The following SLC30A5 variants were observed in gnomAD, a reference collection of about 807,000 sequenced individuals.
SLC30A5 encodes proton-coupled zinc antiporter SLC30A5.
Under a neutral mutation model 79.6 loss-of-function variants are expected in SLC30A5, and 33 were observed. That is an observed-to-expected ratio of 0.41 (90% CI 0.31 to 0.55). The LOEUF (loss-of-function observed/expected upper bound fraction) is 0.55, where lower values mean the gene tolerates loss of function less well. Among genes scored for constraint, SLC30A5 ranks in the 20% least tolerant of loss-of-function variants. The pLI, the probability that SLC30A5 is intolerant of heterozygous loss-of-function variation, is 0.20. For synonymous variants in SLC30A5, 299 were observed against 319.7 expected (o/e 0.94, Z 0.69); for missense variants, 788 against 928.1 (o/e 0.85, Z 1.96).
chr5:69,094,121 C>T lies in SLC30A5; in HGVS notation c.-135C>T. ...CCGGAGCCGGCGACGGCGGCAGTGG[C>T]GGCCCGGCCTGCAGGAGCCCGACGG... On this transcript the variant is annotated 5_prime_UTR_variant, in exon 1 of 16. Transcript: ENST00000396591. 1 of 447,440 alleles carries T rather than the reference C, an allele frequency of 2.2e-6. No individual in the cohort carries two copies. The allele number at this position is 447,440 out of a possible 1,614,324, so 27.7% of individuals were successfully genotyped here.
intron 12 of SLC30A5, among the ~76,000 whole-genome samples, chr5:69,120,017 C>CA (rs35168466): frequency 0.46 from 29,379 of 64,112 alleles, 7,043 homozygotes; most frequent in East Asian, 0.58. Context: ...GACTCTGCCT[C>CA]AAAAAAAAAA....
intron 1 of SLC30A5, among the ~76,000 whole-genome samples, chr5:69,098,906 C>T (rs1745825174): frequency 6.6e-6 from 1 of 152,172 alleles, no homozygotes; most frequent in Non-Finnish European, 1.5e-5. Context: ...TAAAATAATC[C>T]ATATTTGTGA....
Position 69,128,100 on chromosome 5 carries a change from T to C in SLC30A5, c.2095T>C (p.Ser699Pro). The C allele has an allele frequency of 6.2e-7, 1 of 1,612,322 alleles. No individual in the cohort carries two copies. The highest frequency in any genetic ancestry group is 8.5e-7 in the Non-Finnish European group (1 of 1,179,026). ...VAGTIHIQVT[S>P]DVLEQRIVQQ... ...AGGAACAATTCATATACAGGTGACA[T>C]CTGATGTGCTAGAACAAAGAATAGT... Residue 699 changes from serine to proline, a missense_variant, in exon 15 of 16, where the codon TCT becomes CCT. Transcript: ENST00000396591.
At chr5:69,097,337 G>C (rs1454091980) in intron 1 of SLC30A5, among the ~76,000 whole-genome samples, 1 of 152,052 alleles carries the variant, frequency 6.6e-6, no homozygotes, top group South Asian at 2.1e-4. Context: ...GGATGGTCTC[G>C]ATCTCCTGAC....
chr5:69,124,311 A>AT (rs1380344385), intron 14 of SLC30A5, among the ~76,000 whole-genome samples: 2 of 151,968 alleles, frequency 1.3e-5, no homozygotes, highest in African/African-American at 4.8e-5. Context: ...ATGAAGAATT[A>AT]TGGTATGTAA....
chr5:69,098,067 T>C (rs749685324), intron 1 of SLC30A5, among the ~76,000 whole-genome samples: 1 of 151,500 alleles, frequency 6.6e-6, no homozygotes, highest in Non-Finnish European at 1.5e-5. Flanking sequence ...AGGTTGGTCT[T>C]GAACTCCTGG....
intron 4 of SLC30A5, 151 bp downstream of exon 4, chr5:69,104,867 C>T: frequency 1.6e-6 from 1 of 636,918 alleles, no homozygotes; most frequent in Non-Finnish European, 2.5e-6. Context: ...ATAGAACAAA[C>T]CTGTTTAGTT....
At position 69,115,094 on chromosome 5, in the gene SLC30A5, A is replaced by G. The variant is rs138428625; in HGVS notation, c.613-143A>G. On this transcript the variant is annotated intron_variant, in intron 7 of 15. Coordinates refer to ENST00000396591, the MANE Select transcript of SLC30A5 (RefSeq NM_022902.5). ...TGCAGTGAGCTGTGATCATGCCACTATACTTCAGCCTGGGTGGCAGAGCAA... is the reference window on the plus strand; with the variant it reads ...TGCAGTGAGCTGTGATCATGCCACTGTACTTCAGCCTGGGTGGCAGAGCAA... 34 of 644,556 alleles carry G rather than the reference A, an allele frequency of 5.3e-5. No homozygotes were observed. In the East Asian group the frequency reaches 9.1e-4, roughly 17 times the overall value. The allele number at this position is 644,556 out of a possible 1,614,324, so 39.9% of individuals were successfully genotyped here.
rs1746816791 is a variant in SLC30A5, at chr5:69,130,297, G to T, written c.*680G>T. 1 of 152,020 alleles carries T rather than the reference G, an allele frequency of 6.6e-6. No individual in the cohort carries two copies. The highest frequency in any genetic ancestry group is 6.6e-5 in the Admixed American group (1 of 15,254). The allele number at this position is 152,020 out of a possible 1,614,324, so 9.4% of individuals were successfully genotyped here. A position where few individuals can be genotyped will look rare whatever the true frequency, so the allele number is the denominator to read the frequency against. On this transcript the variant is annotated 3_prime_UTR_variant, in exon 16 of 16. Coordinates refer to ENST00000396591, the MANE Select transcript of SLC30A5 (RefSeq NM_022902.5). ...GCAAATGAATAATTAATTTATTAGG[G>T]TAAAGAACTTATACTAAGTTGTGTC...
rs1746447807 is a variant in SLC30A5 at position 69,118,516 on chromosome 5, T to G, written c.1457T>G (p.Ile486Ser). The change falls in exon 12 of 16, where the codon ATT becomes AGT. Residue 486 changes from isoleucine (I) to serine (S), a missense_variant. By Grantham distance (142) the Ile-to-Ser change is moderately radical. Coordinates refer to ENST00000396591, the MANE Select transcript of SLC30A5 (RefSeq NM_022902.5). ...IFSYGYGRIE[I>S]LSGFINGLFL... ...GTTTTTAGGTACGGCCGAATAGAAA[T>G]TCTGTCTGGATTTATTAATGGACTT... 2 of 1,599,412 alleles carry G rather than the reference T, an allele frequency of 1.3e-6. No individual in the cohort carries two copies. The highest frequency in any genetic ancestry group is 2.3e-5 in the South Asian group (2 of 88,082).
Position 69,094,348 on chromosome 5 carries a change from C to G in SLC30A5, c.83+10C>G. Reference sequence around the variant, plus strand: ...ACGTACCCAGCGCTCGGTAAGGGACCGATCCGGAAGGCAGCGACCGGCCGG... The same window carrying G: ...ACGTACCCAGCGCTCGGTAAGGGACGGATCCGGAAGGCAGCGACCGGCCGG... On this transcript the variant is annotated intron_variant, in intron 1 of 15. Transcript: ENST00000396591. 8.0e-7 allele frequency: 1 copy of G among 1,246,766 alleles called. No homozygotes were observed. The allele number at this position is 1,246,766 out of a possible 1,614,324, so 77.2% of individuals were successfully genotyped here.
intron 4 of SLC30A5, among the ~76,000 whole-genome samples, chr5:69,106,747 T>G (rs1746091470): frequency 6.6e-6 from 1 of 152,188 alleles, no homozygotes. Context: ...AGCTTAACCT[T>G]AGCATACTTT....
Position 69,103,186 on chromosome 5 carries a change from G to T in SLC30A5, c.273+58G>T, listed in dbSNP as rs989546174. On this transcript the variant is annotated intron_variant, in intron 3 of 15. Transcript: ENST00000396591. ...AGCTTCTCGTTTAGTGGGCCAGGAG[G>T]CAATGCTTATTTTTTATAATGGGTA... 1.3e-5 allele frequency: 12 copies of T among 899,298 alleles called. No individual in the cohort carries two copies. In the African/African-American group the frequency reaches 2.0e-4, roughly 15 times the overall value. The allele number at this position is 899,298 out of a possible 1,614,324, so 55.7% of individuals were successfully genotyped here.
chr5:69,109,724 T>G (rs1212273517), intron 5 of SLC30A5, among the ~76,000 whole-genome samples: 3 of 152,250 alleles, frequency 2.0e-5, no homozygotes, highest in Non-Finnish European at 4.4e-5. Context: ...ATTATCCTTT[T>G]GTTAAATGAG....
At chr5:69,112,740 G>T (rs1746267224) in intron 5 of SLC30A5, among the ~76,000 whole-genome samples, 1 of 152,058 alleles carries the variant, frequency 6.6e-6, no homozygotes, top group East Asian at 1.9e-4. Context: ...TTCTCTAGAG[G>T]AGTAGTATCT....
chr5:69,100,820 A>T lies in SLC30A5; in HGVS notation c.97A>T (p.Ile33Phe). 2 of 1,596,860 alleles carry T rather than the reference A, an allele frequency of 1.3e-6. No homozygotes were observed. Among genetic ancestry groups the T allele is most frequent in the Non-Finnish European group, 1.7e-6 (2 of 1,167,838 alleles). Residue 33 changes from isoleucine (I) to phenylalanine (F), a missense_variant, in exon 2 of 16, where the codon ATT (isoleucine) becomes TTT (phenylalanine). By Grantham distance (21) the Ile-to-Phe change is conservative (BLOSUM62 0). Coordinates refer to ENST00000396591, the MANE Select transcript of SLC30A5 (RefSeq NM_022902.5). ...TTTATTTTTCAGATTAACAAAATAT[A>T]TTGTGTTACTATGTTTCACTAAATT... ...DVPSARLTKY[I>F]VLLCFTKFLK...
intron 14 of SLC30A5, 106 bp downstream of exon 14, chr5:69,123,531 G>C: frequency 1.2e-6 from 1 of 818,516 alleles, no homozygotes; most frequent in Non-Finnish European, 1.9e-6. Flanking sequence ...ACAAAACGAG[G>C]CCAAAAAAGA....
In SLC30A5 at chr5:69,125,786, CCATGAACCTGGGAGGCGGAGCTTGCAGT is replaced by C. The variant is rs1395026652; in HGVS notation, c.1999-2217_1999-2190del. On this transcript the variant is annotated intron_variant, in intron 14 of 15. Transcript: ENST00000396591. ...CCTGGGAGGCGGAGCTTGCAGTGAG[CCATGAACCTGGGAGGCGGAGCTTGCAGT>C]GAGCCGAGATCACGCCACTGCACTC... is the stretch of plus-strand genomic sequence containing the variant. 2.5e-4 allele frequency among the ~76,000 whole-genome samples: 13 copies of C among 52,718 alleles called. No individual in the cohort carries two copies. The Admixed American group carries it at 2.5e-3, about 10-fold the overall frequency. The allele number at this position is 52,718 out of a possible 152,430, so 34.6% of individuals were successfully genotyped here. A position where few individuals can be genotyped will look rare whatever the true frequency, so the allele number is the denominator to read the frequency against.
At chr5:69,127,487 A>T (rs28515495) in intron 14 of SLC30A5, among the ~76,000 whole-genome samples, 3 of 118,482 alleles carry the variant, frequency 2.5e-5, no homozygotes, top group African/African-American at 5.7e-5. Flanking sequence ...AAAAAAAAAA[A>T]AAAAAAAATT....
Sources: gnomAD v4.1 joint callset for allele counts (sites outside exome capture counted in the v4.1 genomes callset) on GRCh38, gnomAD v4.1.1 for gene constraint, MANE v1.5 for transcripts, NCBI Gene and HGNC (gene_info 2026-07-23, HGNC 2026-07-21) for gene names.